PTPRQ: variants seen among roughly 807,000 people sequenced by gnomAD.
The protein encoded by PTPRQ is protein tyrosine phosphatase receptor type Q.
PTPRQ carries 199 observed loss-of-function variants against 246.0 expected under a neutral mutation model. The ratio of observed to expected loss-of-function variants is 0.81; its 90% CI spans 0.72 to 0.91. The LOEUF (loss-of-function observed/expected upper bound fraction) is 0.91. Among genes scored for constraint, PTPRQ ranks in the 40% least tolerant of loss-of-function variants. The pLI is 0.00. For missense variants in PTPRQ, 2,624 were observed against 2,528.4 expected, an observed-to-expected ratio of 1.04 and a Z score of -0.81; for synonymous variants, 869 against 853.2, an observed-to-expected ratio of 1.02 and a Z score of -0.32.
intron 26 of PTPRQ, 76 bp from the exon 27 acceptor site, chr12:80,604,983 A>T: frequency 7.5e-7 from 1 of 1,339,958 alleles, no homozygotes; most frequent in Admixed American, 3.5e-5. Context: ...TCCATTTTTC[A>T]TGGTCTTTTC....
chr12:80,564,203 T>C (rs1896915310), intron 25 of PTPRQ, among the ~76,000 whole-genome samples: 1 of 152,206 alleles, frequency 6.6e-6, no homozygotes, highest in South Asian at 2.1e-4. Context: ...TATCTCGTCA[T>C]CTAGCATTAA....
chr12:80,458,523 T>A (rs1219261722), intron 4 of PTPRQ, among the ~76,000 whole-genome samples: 1 of 150,810 alleles, frequency 6.6e-6, no homozygotes, highest in Non-Finnish European at 1.5e-5. Context: ...ATACTAGGCA[T>A]CTTTACTATC....
chr12:80,602,047 C>T (rs551178616), intron 26 of PTPRQ, among the ~76,000 whole-genome samples: 34 of 151,704 alleles, frequency 2.2e-4, no homozygotes, highest in Middle Eastern at 3.4e-3. Flanking sequence ...CTTTCTTTAC[C>T]CTCTCCCCTG....
rs1893663173 is a variant in PTPRQ, at chr12:80,472,228, T to C, written c.1163T>C (p.Ile388Thr). The C allele has an allele frequency of 1.9e-6, 3 of 1,551,310 alleles. 1 individual carries two copies. Among genetic ancestry groups the C allele is most frequent in the Non-Finnish European group, 2.6e-6 (3 of 1,146,914 alleles). ...GCAGGGACTGGGCCCAAGTCAAATA[T>C]TTCAGTATTCACTCCACCAGATGGT... ...TSAGTGPKSN[I>T]SVFTPPDVPG... The change falls in exon 8 of 45, where the codon ATT (isoleucine) becomes ACT (threonine). Residue 388 changes from isoleucine (I) to threonine (T), a missense_variant. Coordinates refer to ENST00000644991, the MANE Select transcript of PTPRQ (RefSeq NM_001145026.2).
intron 38 of PTPRQ, among the ~76,000 whole-genome samples, chr12:80,655,306 G>A (rs868604689): frequency 2.6e-5 from 4 of 152,090 alleles, no homozygotes; most frequent in Admixed American, 2.0e-4. Flanking sequence ...TAAGAGTATT[G>A]TAAAAATTAG....
intron 32 of PTPRQ, among the ~76,000 whole-genome samples, chr12:80,621,564 A>G (rs1945580678): frequency 1.3e-5 from 2 of 152,054 alleles, no homozygotes; most frequent in Non-Finnish European, 2.9e-5. Flanking sequence ...GCAAAAAAGT[A>G]TACAAATGCA....
chr12:80,669,203 T>G (rs1046030118), intron 40 of PTPRQ, 62 bp downstream of exon 40: 1 of 1,532,312 alleles, frequency 6.5e-7, no homozygotes, highest in African/African-American at 1.4e-5. Flanking sequence ...TATGTGTGAA[T>G]ATTTCATCTA....
chr12:80,649,277 G>C (rs1900177289), intron 36 of PTPRQ, among the ~76,000 whole-genome samples: 1 of 152,048 alleles, frequency 6.6e-6, no homozygotes, highest in Non-Finnish European at 1.5e-5. Context: ...GGTATTATGT[G>C]CTTTAGGAGT....
chr12:80,591,024 G>A lies in PTPRQ; in HGVS notation c.4609+2572G>A, dbSNP rs1371474016. 2.0e-5 allele frequency among the ~76,000 whole-genome samples: 3 copies of A among 151,392 alleles called. No individual in the cohort carries two copies. The East Asian group carries it at 5.8e-4, about 29-fold the overall frequency. Reference sequence around the variant, plus strand: ...GACCACTCAATCTAAAAATAGTCATGCAGTAATCTTATATAATATCATGTT... The same window carrying A: ...GACCACTCAATCTAAAAATAGTCATACAGTAATCTTATATAATATCATGTT... On this transcript the variant is annotated intron_variant, in intron 26 of 44. Transcript: ENST00000644991.
In PTPRQ at chr12:80,542,822, A is replaced by G. The variant is rs1043595076; in HGVS notation, c.3814A>G (p.Ile1272Val). 3.2e-6 allele frequency: 5 copies of G among 1,548,546 alleles called. No individual in the cohort carries two copies. The highest frequency in any genetic ancestry group is 1.2e-5 in the South Asian group (1 of 83,348). Residue 1272 changes from isoleucine to valine, a missense_variant, in exon 23 of 45, where the codon ATT becomes GTT. Ile to Val is a conservative substitution (Grantham distance 29, BLOSUM62 3). Transcript: ENST00000644991. ...KWSPSPLPGG[I>V]VKVYSFKIHE... is the part of the protein sequence containing the mutation. Reference sequence around the variant, plus strand: ...GAGCCCAAGTCCTCTTCCAGGTGGTATTGTTAAAGTATATAGTTTTAAAAT... The same window carrying G: ...GAGCCCAAGTCCTCTTCCAGGTGGTGTTGTTAAAGTATATAGTTTTAAAAT...
rs755296709 is a variant in PTPRQ, at chr12:80,679,286, T to C, written c.*263T>C. The C allele has an allele frequency of 3.6e-5, 11 of 303,542 alleles. No individual in the cohort carries two copies. The highest frequency in any genetic ancestry group is 6.5e-5 in the Non-Finnish European group (11 of 168,388). The allele number at this position is 303,542 out of a possible 1,614,324, so 18.8% of individuals were successfully genotyped here. The stretch of plus-strand genomic sequence containing the variant: ...TCCCATATGTTTTTGAAGTCCTCCA[T>C]ATTTTGGAATAAGCCAAATAGAAAA... On this transcript the variant is annotated 3_prime_UTR_variant, in exon 45 of 45. Coordinates refer to ENST00000644991, the MANE Select transcript of PTPRQ (RefSeq NM_001145026.2).
intron 3 of PTPRQ, chr12:80,454,618 C>T (rs1892910118): frequency 1.5e-6 from 1 of 685,244 alleles, no homozygotes; most frequent in Non-Finnish European, 2.6e-6. Context: ...ATATATAGCT[C>T]TTATTATTTT....
chr12:80,501,061 C>G (rs7976516), intron 14 of PTPRQ, among the ~76,000 whole-genome samples: 1 of 151,482 alleles, frequency 6.6e-6, no homozygotes, highest in African/African-American at 2.4e-5. Context: ...AGAGGAAGAA[C>G]AGCAATTGCC....
chr12:80,485,037 G>A (rs1000940864), intron 9 of PTPRQ, among the ~76,000 whole-genome samples: 10 of 151,718 alleles, frequency 6.6e-5, no homozygotes, highest in Non-Finnish European at 1.3e-4. Flanking sequence ...GTCTTGGGAA[G>A]CTAAATTTCT....
chr12:80,496,966 C>A (rs1039078406), intron 14 of PTPRQ, among the ~76,000 whole-genome samples: 4 of 151,750 alleles, frequency 2.6e-5, no homozygotes, highest in African/African-American at 9.7e-5. Context: ...ATGGAGGAGA[C>A]AGCATTTGGC....
rs567978886 is a variant in PTPRQ at position 80,477,520 on chromosome 12, A to T, written c.1186+5269A>T. Among the ~76,000 whole-genome samples, 11 of 152,310 alleles carry T rather than the reference A, an allele frequency of 7.2e-5. No individual in the cohort carries two copies. In the South Asian group the frequency reaches 2.3e-3, roughly 32 times the overall value. ...CTTACATTTCGAGAACAATGTTTAG[A>T]AATTTAGGCAAGATGGCCGAATAGG... On this transcript the variant is annotated intron_variant, in intron 8 of 44. Coordinates refer to ENST00000644991, the MANE Select transcript of PTPRQ (RefSeq NM_001145026.2).
In PTPRQ at chr12:80,496,527, G is replaced by A. The variant is rs1894630013; in HGVS notation, c.2268G>A (p.Glu756=). The A allele has an allele frequency of 6.7e-7, 1 of 1,495,874 alleles. No individual in the cohort carries two copies. The highest frequency in any genetic ancestry group is 1.6e-5 in the African/African-American group (1 of 60,904). The allele number at this position is 1,495,874 out of a possible 1,614,324, so 92.7% of individuals were successfully genotyped here. ...VSSLLSVRTS[E]TVPDSAPENI... is the part of the protein sequence containing the mutation. ...CTTTACTCTCTGTAAGGACTTCGGAGACTGGTGAGCTTTTGTTTTCTTTGT... is the reference window on the plus strand; with the variant it reads ...CTTTACTCTCTGTAAGGACTTCGGAAACTGGTGAGCTTTTGTTTTCTTTGT... Residue 756 remains glutamate (E), a synonymous_variant, in exon 14 of 45, where the codon GAG becomes GAA. Coordinates refer to ENST00000644991, the MANE Select transcript of PTPRQ (RefSeq NM_001145026.2).
intron 26 of PTPRQ, among the ~76,000 whole-genome samples, chr12:80,591,720 A>G (rs1349894099): frequency 6.6e-6 from 1 of 152,186 alleles, no homozygotes; most frequent in Non-Finnish European, 1.5e-5. Flanking sequence ...ATGCCCAGAG[A>G]ACAAAACCAA....
At chr12:80,604,975 C>G (rs1245488728) in intron 26 of PTPRQ, 84 bp from the exon 27 acceptor site, 1 of 1,285,402 alleles carries the variant, frequency 7.8e-7, no homozygotes, top group East Asian at 2.9e-5. Flanking sequence ...TATGACTATC[C>G]ATTTTTCATG....
Sources: gnomAD v4.1 joint callset for allele counts (sites outside exome capture counted in the v4.1 genomes callset) on GRCh38, gnomAD v4.1.1 for gene constraint, MANE v1.5 for transcripts, NCBI Gene and HGNC (gene_info 2026-07-23, HGNC 2026-07-21) for gene names.